AKAP13: variants seen among roughly 807,000 people sequenced by gnomAD.
AKAP13 encodes the protein A-kinase anchoring protein 13.
In AKAP13, 80 loss-of-function variants were observed where a neutral mutation model predicts 264.5. That is an observed-to-expected ratio of 0.30 (90% CI 0.25 to 0.36). AKAP13 has a LOEUF of 0.36. Ranked by LOEUF, AKAP13 falls within the 10% of genes least tolerant of loss-of-function variation. The probability of loss-of-function intolerance (pLI) is 1.00; values close to 1 mark genes in which losing one functional copy is unlikely to be tolerated. For synonymous variants in AKAP13, 1,380 were observed against 1,250.2 expected, an observed-to-expected ratio of 1.10 and a Z score of -2.19; for missense variants, 3,712 against 3,435.2, an observed-to-expected ratio of 1.08 and a Z score of -2.01.
intron 1 of AKAP13, among the ~76,000 whole-genome samples, chr15:85,381,408 C>A (rs571128071): frequency 6.6e-6 from 1 of 151,804 alleles, no homozygotes; most frequent in South Asian, 2.1e-4. Context: ...CCCAGGAGAC[C>A]CGTGCGGTCC....
chr15:85,393,212 G>C (rs746659666), intron 1 of AKAP13, among the ~76,000 whole-genome samples: 2 of 152,218 alleles, frequency 1.3e-5, no homozygotes, highest in Non-Finnish European at 2.9e-5. Flanking sequence ...TGTACACAGA[G>C]TGTACATCCT....
At chr15:85,590,706 T>C (rs1288417202) in intron 8 of AKAP13, among the ~76,000 whole-genome samples, 1 of 152,222 alleles carries the variant, frequency 6.6e-6, no homozygotes, top group Non-Finnish European at 1.5e-5. Context: ...CCATTAATCA[T>C]TTTATCATTT....
chr15:85,691,683 T>C (rs895057571), intron 16 of AKAP13, among the ~76,000 whole-genome samples: 2 of 152,188 alleles, frequency 1.3e-5, no homozygotes, highest in African/African-American at 4.8e-5. Context: ...TCACCCAGTC[T>C]CATGTCTCAT....
rs16943075 is a variant in AKAP13, at chr15:85,676,880, C to T, written c.5102-5278C>T. The stretch of plus-strand genomic sequence containing the variant: ...TCACCTAGACAGCATTTCCCGGAAC[C>T]GCATAGGCCATTGACATTATGCTGT... On this transcript the variant is annotated intron_variant, in intron 14 of 36. Coordinates refer to ENST00000394518, the MANE Select transcript of AKAP13 (RefSeq NM_007200.5). The T allele has an allele frequency of 9.9e-3, 9,306 of 935,732 alleles. 633 individuals are homozygous for T. The African/African-American group carries it at 0.15, about 15-fold the overall frequency. The allele number at this position is 935,732 out of a possible 1,614,324, so 58.0% of individuals were successfully genotyped here. A position where few individuals can be genotyped will look rare whatever the true frequency, so the allele number is the denominator to read the frequency against.
intron 8 of AKAP13, among the ~76,000 whole-genome samples, chr15:85,605,922 C>T (rs544967842): frequency 1.3e-5 from 2 of 152,094 alleles, no homozygotes; most frequent in African/African-American, 4.8e-5. Context: ...TGATAAATTT[C>T]TGATAGATCT....
chr15:85,666,343 C>T (rs1285055534), intron 13 of AKAP13, among the ~76,000 whole-genome samples: 1 of 151,870 alleles, frequency 6.6e-6, no homozygotes, highest in Non-Finnish European at 1.5e-5. Context: ...AGTGTCTGTT[C>T]ATATCCTTTA....
At position 85,398,796 on chromosome 15, in the gene AKAP13, T is replaced by G. The variant is rs2150829056; in HGVS notation, c.-12+17998T>G. 2.0e-5 allele frequency among the ~76,000 whole-genome samples: 3 copies of G among 152,332 alleles called. 1 individual carries two copies. In the South Asian group the frequency reaches 6.2e-4, roughly 32 times the overall value. ...GTCTTGAACTCCTGACCTCAAGTGATCCACGTGTTTCCGCCAGCCACCTTT... is the reference window on the plus strand; with the variant it reads ...GTCTTGAACTCCTGACCTCAAGTGAGCCACGTGTTTCCGCCAGCCACCTTT... On this transcript the variant is annotated intron_variant, in intron 1 of 36. Coordinates refer to ENST00000394518, the MANE Select transcript of AKAP13 (RefSeq NM_007200.5).
chr15:85,592,322 G>A (rs1216315563), intron 8 of AKAP13, among the ~76,000 whole-genome samples: 1 of 152,114 alleles, frequency 6.6e-6, no homozygotes, highest in South Asian at 2.1e-4. Context: ...TTTGTATTGT[G>A]TGGCTGTTCA....
At chr15:85,682,656 A>G (rs1031748940) in intron 15 of AKAP13, among the ~76,000 whole-genome samples, 1 of 152,328 alleles carries the variant, frequency 6.6e-6, no homozygotes, top group Non-Finnish European at 1.5e-5. Flanking sequence ...CTGTCGAAGT[A>G]AACGAATTGA....
intron 10 of AKAP13, 86 bp from the exon 11 acceptor site, chr15:85,655,331 A>T (rs2083049237): frequency 1.3e-6 from 2 of 1,504,178 alleles, no homozygotes. Flanking sequence ...GAATCCACTG[A>T]GAAGCCATTG....
rs372655714 is a variant in AKAP13 at position 85,581,246 on chromosome 15, A to C, written c.3178A>C (p.Ser1060Arg). The change falls in exon 7 of 37, where the codon AGT becomes CGT. Residue 1060 changes from serine (S) to arginine (R), a missense_variant. Transcript: ENST00000394518. ...TGATGGGTCCGATGCTCTTAACTGC[A>C]GTCAGCCTTCTCCTCTGGATGTTGG... Reference protein sequence around the residue: ...GSDGSDALNCSQPSPLDVGVK... With the variant: ...GSDGSDALNCRQPSPLDVGVK... 22 of 1,614,054 alleles carry C rather than the reference A, an allele frequency of 1.4e-5. No individual in the cohort carries two copies. The highest frequency in any genetic ancestry group is 1.7e-5 in the Non-Finnish European group (20 of 1,180,030).
At chr15:85,692,511 G>GGTGGTGGTGGCAGTA (rs2151637437) in intron 16 of AKAP13, among the ~76,000 whole-genome samples, 1 of 151,908 alleles carries the variant, frequency 6.6e-6, no homozygotes, top group African/African-American at 2.4e-5. Context: ...TGGTGGTGGT[G>GGTGGTGGTGGCAGTA]GTGGTGGCAG....
chr15:85,652,634 G>A (rs1280799418), intron 10 of AKAP13, among the ~76,000 whole-genome samples: 1 of 152,186 alleles, frequency 6.6e-6, no homozygotes, highest in Non-Finnish European at 1.5e-5. Context: ...CTGGGCGGCT[G>A]AAAACAACAG....
chr15:85,528,387 T>G (rs1208442473), intron 3 of AKAP13, among the ~76,000 whole-genome samples: 2 of 152,250 alleles, frequency 1.3e-5, no homozygotes, highest in Non-Finnish European at 2.9e-5. Context: ...TGGGCCATGC[T>G]GGAGAAGCTC....
intron 1 of AKAP13, among the ~76,000 whole-genome samples, chr15:85,401,546 C>T (rs11637302): frequency 0.25 from 38,396 of 152,102 alleles, 6,422 homozygotes; most frequent in Non-Finnish European, 0.37. Flanking sequence ...ACTGTTTCCT[C>T]CCCCTGGTAA....
At chr15:85,629,666 G>A (rs536260980) in intron 8 of AKAP13, among the ~76,000 whole-genome samples, 5 of 150,864 alleles carry the variant, frequency 3.3e-5, no homozygotes, top group Non-Finnish European at 7.4e-5. Flanking sequence ...TCTCTAAAAT[G>A]GCAACATGCC....
chr15:85,548,487 A>G lies in AKAP13; in HGVS notation c.662+4532A>G, dbSNP rs2077833288. Among the ~76,000 whole-genome samples the G allele has an allele frequency of 2.0e-5, 3 of 152,276 alleles. No homozygotes were observed. In the South Asian group the frequency reaches 6.2e-4, roughly 32 times the overall value. ...GCTTAATAAAAATCTAAGCTTGCCT[A>G]CTTAGTAGTTAGTGTGACTTGGAAA... On this transcript the variant is annotated intron_variant, in intron 5 of 36. Transcript: ENST00000394518.
At chr15:85,537,170 A>C (rs1362428160) in intron 4 of AKAP13, among the ~76,000 whole-genome samples, 1 of 32,958 alleles carries the variant, frequency 3.0e-5, no homozygotes, top group South Asian at 3.9e-4. Context: ...CACTGGGTAC[A>C]GTAAGGGAGA....
intron 2 of AKAP13, among the ~76,000 whole-genome samples, chr15:85,516,547 A>G (rs1326370573): frequency 6.6e-6 from 1 of 152,172 alleles, no homozygotes; most frequent in Non-Finnish European, 1.5e-5. Context: ...GTACTTGACT[A>G]GGGTTTTGTC....
Sources: gnomAD v4.1 joint callset for allele counts (sites outside exome capture counted in the v4.1 genomes callset) on GRCh38, gnomAD v4.1.1 for gene constraint, MANE v1.5 for transcripts, NCBI Gene and HGNC (gene_info 2026-07-23, HGNC 2026-07-21) for gene names.